TRIOBP: variants seen among roughly 807,000 people sequenced by gnomAD.
The protein encoded by TRIOBP is TRIO and F-actin binding protein, also known as TRIO and F-actin-binding protein.
In TRIOBP, 169 loss-of-function variants were observed where a neutral mutation model predicts 238.8. That is an observed-to-expected ratio of 0.71 (90% CI 0.62 to 0.80). The LOEUF (loss-of-function observed/expected upper bound fraction) is 0.80, where lower values mean the gene tolerates loss of function less well. Ranked by LOEUF, TRIOBP falls within the 30% of genes least tolerant of loss-of-function variation. The pLI, the probability that TRIOBP is intolerant of heterozygous loss-of-function variation, is 0.00. For synonymous variants in TRIOBP, 1,150 were observed against 1,274.4 expected (o/e 0.90, Z 2.08); for missense variants, 2,838 against 3,122.6 (o/e 0.91, Z 2.17).
At chr22:37,718,829 G>A (rs1923672516) in intron 6 of TRIOBP, among the ~76,000 whole-genome samples, 2 of 150,036 alleles carry the variant, frequency 1.3e-5, no homozygotes, top group Middle Eastern at 3.4e-3. Context: ...GCATTACTGG[G>A]ACAACTGGGG....
intron 7 of TRIOBP, 87 bp from the exon 8 acceptor site, chr22:37,733,211 A>C (rs1924507048): frequency 1.4e-5 from 15 of 1,062,244 alleles, no homozygotes; most frequent in Non-Finnish European, 2.1e-5. Flanking sequence ...GCTGTCCCAC[A>C]TCTCCTCCTG....
At chr22:37,750,425 G>A (rs1392715611) in intron 11 of TRIOBP, among the ~76,000 whole-genome samples, 2 of 152,202 alleles carry the variant, frequency 1.3e-5, no homozygotes, top group African/African-American at 4.8e-5. Context: ...CCTTGCTGTG[G>A]TCAAGCCCCC....
At chr22:37,706,769 T>TAA (rs34258002) in intron 3 of TRIOBP, among the ~76,000 whole-genome samples, 250 of 140,946 alleles carry the variant, frequency 1.8e-3, no homozygotes, top group African/African-American at 3.8e-3. Flanking sequence ...AAGACTATCT[T>TAA]AAAAAAAAAA....
chr22:37,701,533 G>A (rs1922644737), intron 3 of TRIOBP, 54 bp downstream of exon 3: 3 of 1,317,752 alleles, frequency 2.3e-6, no homozygotes, highest in Non-Finnish European at 3.2e-6. Flanking sequence ...CATGGGTGAA[G>A]GACTGGGCCT....
chr22:37,710,709 CAGGT>C lies in TRIOBP; in HGVS notation c.254+144_254+147del, dbSNP rs1923193709. 4.4e-5 allele frequency: 53 copies of C among 1,196,672 alleles called. No individual in the cohort carries two copies. In the South Asian group the frequency reaches 8.2e-4, roughly 19 times the overall value. 74.1% of individuals were successfully genotyped at this position (1,196,672 alleles called of 1,614,324 possible). A position where few individuals can be genotyped will look rare whatever the true frequency, so the allele number is the denominator to read the frequency against. ...GTGGTCAGTCCTCTAAACCTAGGCA[CAGGT>C]GGGTGGTGGGCATGCTCCTTGGGCC... On this transcript the variant is annotated intron_variant, in intron 4 of 23. Transcript: ENST00000644935.
intron 6 of TRIOBP, among the ~76,000 whole-genome samples, chr22:37,719,225 A>G (rs1174087144): frequency 6.6e-6 from 1 of 151,346 alleles, no homozygotes; most frequent in Non-Finnish European, 1.5e-5. Flanking sequence ...AAATAAATAA[A>G]TAAATAAATA....
intron 7 of TRIOBP, among the ~76,000 whole-genome samples, chr22:37,731,716 CA>C (rs576933460): frequency 3.9e-5 from 6 of 152,144 alleles, no homozygotes; most frequent in Non-Finnish European, 8.8e-5. Flanking sequence ...CTCAGCCTCC[CA>C]AAGTGCTGTG....
intron 7 of TRIOBP, among the ~76,000 whole-genome samples, chr22:37,728,761 T>C (rs1478463882): frequency 6.6e-6 from 1 of 152,164 alleles, no homozygotes; most frequent in Non-Finnish European, 1.5e-5. Context: ...GGGTGATACA[T>C]TTGTTACAAT....
chr22:37,755,293 C>T, intron 14 of TRIOBP, 103 bp downstream of exon 14: 1 of 1,235,362 alleles, frequency 8.1e-7, no homozygotes, highest in Non-Finnish European at 1.2e-6. Context: ...GACTGGATCC[C>T]TTCACTCATT....
intron 6 of TRIOBP, among the ~76,000 whole-genome samples, chr22:37,720,006 T>TCATCCCCCCCCCCC (rs60801787): frequency 1.7e-4 from 2 of 11,858 alleles, no homozygotes; most frequent in Non-Finnish European, 8.1e-4. Context: ...CGCCCTTTTT[T>TCATCCCCCCCCCCC]TTTTTTTTTT....
intron 3 of TRIOBP, among the ~76,000 whole-genome samples, chr22:37,705,328 T>C (rs911461864): frequency 1.4e-5 from 2 of 144,710 alleles, no homozygotes; most frequent in Admixed American, 7.0e-5. Flanking sequence ...TGAGCCAAGA[T>C]TGCACCACTG....
intron 5 of TRIOBP, among the ~76,000 whole-genome samples, chr22:37,713,949 G>GAC: frequency 6.6e-6 from 1 of 152,232 alleles, no homozygotes; most frequent in South Asian, 2.1e-4. Context: ...TGTCCCAGGA[G>GAC]ACCCCCCAAA....
intron 7 of TRIOBP, among the ~76,000 whole-genome samples, chr22:37,728,427 T>A (rs1438332870): frequency 2.6e-5 from 4 of 152,140 alleles, no homozygotes; most frequent in African/African-American, 9.6e-5. Flanking sequence ...AGAGTGAAAC[T>A]CCATCTCAAA....
At chr22:37,728,938 T>C (rs866821146) in intron 7 of TRIOBP, among the ~76,000 whole-genome samples, 2 of 152,118 alleles carry the variant, frequency 1.3e-5, no homozygotes, top group Non-Finnish European at 2.9e-5. Context: ...TGTTTGGAGA[T>C]GGAGTCTCGC....
intron 3 of TRIOBP, among the ~76,000 whole-genome samples, chr22:37,703,756 C>T (rs895708897): frequency 2.0e-5 from 3 of 151,982 alleles, no homozygotes; most frequent in African/African-American, 7.2e-5. Flanking sequence ...TCGCCCACCT[C>T]GACCTCCCAA....
intron 3 of TRIOBP, among the ~76,000 whole-genome samples, chr22:37,702,624 TTCTC>T (rs36031958): frequency 2.7e-5 from 4 of 148,148 alleles, no homozygotes; most frequent in South Asian, 2.1e-4. Flanking sequence ...GAGATTTTCT[TTCTC>T]TCTCTCTTTT....
rs756145453 is a variant in TRIOBP at position 37,734,765 on chromosome 22, TG to T, written c.4436del (p.Gly1479AlafsTer28). 4 of 1,610,790 alleles carry T rather than the reference TG, an allele frequency of 2.5e-6. No individual in the cohort carries two copies. Among genetic ancestry groups the T allele is most frequent in the Non-Finnish European group, 3.4e-6 (4 of 1,179,260 alleles). ...LGAAKAPEGA[W>X]GGTSREYKES... The stretch of plus-strand genomic sequence containing the variant: ...GGCAGCCAAAGCCCCGGAGGGAGCA[TG>T]GGGGGGCACTTCCAGGGAGTACAAG... On this transcript the variant is annotated frameshift_variant, in exon 9 of 24. Transcript: ENST00000644935. LOFTEE classifies it high-confidence loss of function.
At chr22:37,751,188 C>T (rs995258908) in intron 11 of TRIOBP, 5 of 393,300 alleles carry the variant, frequency 1.3e-5, no homozygotes, top group East Asian at 1.5e-4. Flanking sequence ...CCCCCCTGGG[C>T]GGCACCCAGA....
At position 37,735,391 on chromosome 22, in the gene TRIOBP, C is replaced by T. The variant is rs1315513598; in HGVS notation, c.5055C>T (p.Gly1685=). 6.2e-6 allele frequency: 10 copies of T among 1,603,846 alleles called. No individual in the cohort carries two copies. Among genetic ancestry groups the T allele is most frequent in the Admixed American group, 3.4e-5 (2 of 58,156 alleles). ...TATLAGLEQT[G]PLGSRSTAKG... ...CTCTGGCAGGCCTGGAGCAGACGGG[C>T]CCCCTGGGGAGCAGGAGCACTGCGA... The change falls in exon 9 of 24, where the codon GGC becomes GGT. Residue 1685 remains glycine, a synonymous_variant. Transcript: ENST00000644935.
Sources: allele counts gnomAD v4.1 joint callset (sites outside exome capture counted in the v4.1 genomes callset), GRCh38; gene constraint gnomAD v4.1.1; transcripts MANE v1.5; gene names NCBI Gene and HGNC (gene_info 2026-07-23, HGNC 2026-07-21).